NCKAP5: variants seen among roughly 807,000 people sequenced by gnomAD.
NCKAP5 encodes the protein nck-associated protein 5.
Under a neutral mutation model 167.0 loss-of-function variants are expected in NCKAP5, and 92 were observed. That is an observed-to-expected ratio of 0.55 (90% CI 0.47 to 0.66). NCKAP5 has a LOEUF of 0.66. NCKAP5 is among the 30% of genes least tolerant of loss of function. The probability of loss-of-function intolerance (pLI) is 0.00; values close to 1 mark genes in which losing one functional copy is unlikely to be tolerated. For missense variants in NCKAP5, 2,378 were observed against 2,315.0 expected (o/e 1.03, Z -0.56); for synonymous variants, 891 against 877.4 (o/e 1.02, Z -0.27).
chr2:133,581,339 T>G, the NCKAP5 span, among the ~76,000 whole-genome samples: 2 of 152,136 alleles, frequency 1.3e-5, no homozygotes, highest in Non-Finnish European at 2.9e-5. Context: ...CACTTCCTGT[T>G]GTAAGGGATT....
At chr2:133,591,422 C>G in the NCKAP5 span, among the ~76,000 whole-genome samples, 1 of 152,312 alleles carries the variant, frequency 6.6e-6, no homozygotes, top group South Asian at 2.1e-4. Flanking sequence ...ATAATTTAAG[C>G]ATCTTCCACT....
chr2:133,384,588 T>C (rs1250484186), intron 3 of NCKAP5, among the ~76,000 whole-genome samples: 1 of 152,232 alleles, frequency 6.6e-6, no homozygotes, highest in African/African-American at 2.4e-5. Flanking sequence ...TCCAATTCTG[T>C]GAAGAAAGGC....
chr2:132,909,101 C>T (rs1694232475), intron 8 of NCKAP5, among the ~76,000 whole-genome samples: 1 of 152,202 alleles, frequency 6.6e-6, no homozygotes, highest in Non-Finnish European at 1.5e-5. Context: ...AATCCCAGCA[C>T]ATTGGGAGGC....
chr2:133,416,045 C>T (rs1689088471), intron 3 of NCKAP5, among the ~76,000 whole-genome samples: 1 of 152,178 alleles, frequency 6.6e-6, no homozygotes, highest in Non-Finnish European at 1.5e-5. Flanking sequence ...AGTGATGTTT[C>T]TCTTTGTTAC....
chr2:132,805,370 T>A (rs1291369507), intron 11 of NCKAP5, among the ~76,000 whole-genome samples: 2 of 152,186 alleles, frequency 1.3e-5, no homozygotes, highest in Admixed American at 6.5e-5. Flanking sequence ...TTAATGATGA[T>A]TTGTTATAGA....
intron 16 of NCKAP5, among the ~76,000 whole-genome samples, chr2:132,755,778 C>T (rs1181524469): frequency 6.6e-6 from 1 of 150,996 alleles, no homozygotes; most frequent in Non-Finnish European, 1.5e-5. Context: ...GTGCAGTGAG[C>T]CGAGATCGTG....
At chr2:132,786,266 A>G (rs1429363243) in intron 13 of NCKAP5, among the ~76,000 whole-genome samples, 1 of 152,220 alleles carries the variant, frequency 6.6e-6, no homozygotes, top group Non-Finnish European at 1.5e-5. Context: ...GGGAATGACT[A>G]GAAGATGATA....
At chr2:133,609,514 C>T in the NCKAP5 span, among the ~76,000 whole-genome samples, 6,568 of 152,088 alleles carry the variant, frequency 0.043, 453 homozygotes, top group African/African-American at 0.15. Context: ...ATTATTATTA[C>T]TACCAACTAA....
At chr2:133,407,536 C>T (rs904506279) in intron 3 of NCKAP5, among the ~76,000 whole-genome samples, 5 of 152,182 alleles carry the variant, frequency 3.3e-5, no homozygotes, top group African/African-American at 1.2e-4. Flanking sequence ...ACCCTCTCCA[C>T]GTGGTGCAGG....
intron 5 of NCKAP5, among the ~76,000 whole-genome samples, chr2:133,197,730 C>T (rs1472408639): frequency 6.6e-6 from 1 of 152,130 alleles, no homozygotes; most frequent in Non-Finnish European, 1.5e-5. Context: ...GTGGGCAGAT[C>T]ATGAGGTCAT....
intron 6 of NCKAP5, 98 bp downstream of exon 6, chr2:133,129,880 C>T: frequency 7.5e-7 from 1 of 1,330,434 alleles, no homozygotes; most frequent in Non-Finnish European, 9.9e-7. Flanking sequence ...GCTCATCAAA[C>T]ACAACAGAAG....
chr2:132,875,580 C>T (rs996022600), intron 9 of NCKAP5, among the ~76,000 whole-genome samples: 1 of 152,162 alleles, frequency 6.6e-6, no homozygotes, highest in Non-Finnish European at 1.5e-5. Context: ...CATTGAAGTG[C>T]CATGCAGTGG....
chr2:133,317,648 T>A lies in NCKAP5; in HGVS notation c.70-14538A>T, dbSNP rs553457060. ...TGTTATGTGGAGAGCCCTGCATCCT[T>A]CGCCAGCTGTAGCCGACTTAGTGCT... On this transcript the variant is annotated intron_variant, in intron 3 of 19. Coordinates refer to ENST00000409261, the MANE Select transcript of NCKAP5 (RefSeq NM_207363.3). Among the ~76,000 whole-genome samples the A allele has an allele frequency of 3.3e-5, 5 of 152,240 alleles. No individual in the cohort carries two copies. The South Asian group carries it at 1.0e-3, about 32-fold the overall frequency.
Position 133,132,966 on chromosome 2 carries a change from A to T in NCKAP5, c.208-2855T>A, listed in dbSNP as rs182839064. On this transcript the variant is annotated intron_variant, in intron 5 of 19. Transcript: ENST00000409261. ...GCTGGGATTATAGGCGTTAGCCACC[A>T]CGCCCAGCCTGTACCCAAATTTAAA... is the stretch of plus-strand genomic sequence containing the variant. 1.1e-3 allele frequency among the ~76,000 whole-genome samples: 164 copies of T among 152,204 alleles called. 1 individual carries two copies. The highest frequency in any genetic ancestry group is 3.9e-3 in the African/African-American group (161 of 41,542).
intron 3 of NCKAP5, among the ~76,000 whole-genome samples, chr2:133,386,968 G>A (rs1446462203): frequency 3.3e-5 from 5 of 152,106 alleles, no homozygotes; most frequent in Non-Finnish European, 7.4e-5. Context: ...TTTCCTGAAG[G>A]CAGCACACTG....
intron 6 of NCKAP5, among the ~76,000 whole-genome samples, chr2:133,108,235 C>A (rs1332941163): frequency 1.3e-5 from 2 of 152,158 alleles, no homozygotes; most frequent in African/African-American, 4.8e-5. Context: ...TTCAGAAATA[C>A]CTGTCAAGAC....
At chr2:132,822,250 A>C (rs879147885) in intron 11 of NCKAP5, among the ~76,000 whole-genome samples, 1 of 152,354 alleles carries the variant, frequency 6.6e-6, no homozygotes, top group Admixed American at 6.5e-5. Context: ...ACCAGTATTC[A>C]AGAAAGCCAG....
chr2:133,190,530 C>G (rs1447453879), intron 5 of NCKAP5, among the ~76,000 whole-genome samples: 1 of 152,168 alleles, frequency 6.6e-6, no homozygotes, highest in Admixed American at 6.5e-5. Context: ...TACTACAAGG[C>G]TACAGTAACC....
At chr2:132,773,198 G>A (rs955249033) in intron 16 of NCKAP5, among the ~76,000 whole-genome samples, 1 of 152,188 alleles carries the variant, frequency 6.6e-6, no homozygotes, top group South Asian at 2.1e-4. Context: ...CTCTTGACAA[G>A]GAATGCAGTC....
Sources: gnomAD v4.1 joint callset for allele counts (sites outside exome capture counted in the v4.1 genomes callset) on GRCh38, gnomAD v4.1.1 for gene constraint, MANE v1.5 for transcripts, NCBI Gene and HGNC (gene_info 2026-07-23, HGNC 2026-07-21) for gene names.